The following PDE10A variants were observed in gnomAD, a reference collection of about 807,000 sequenced individuals.
PDE10A encodes phosphodiesterase 10A.
PDE10A carries 39 observed loss-of-function variants against 97.7 expected under a neutral mutation model. The ratio of observed to expected loss-of-function variants is 0.40; its 90% CI spans 0.31 to 0.52. The LOEUF (loss-of-function observed/expected upper bound fraction) is 0.52. PDE10A is among the 20% of genes least tolerant of loss of function. The probability of loss-of-function intolerance (pLI) is 0.56; values close to 1 mark genes in which losing one functional copy is unlikely to be tolerated. For synonymous variants in PDE10A, 371 were observed against 376.8 expected (o/e 0.98, Z 0.18); for missense variants, 731 against 1,047.8 (o/e 0.70, Z 4.17).
At chr6:165,912,415 T>C (rs1583275275) in intron 1 of PDE10A, among the ~76,000 whole-genome samples, 1 of 152,356 alleles carries the variant, frequency 6.6e-6, no homozygotes, top group East Asian at 1.9e-4. Context: ...CAAGTCTTGA[T>C]GGGAGCGTTC....
chr6:165,436,924 T>G (rs978333010), intron 5 of PDE10A, among the ~76,000 whole-genome samples: 1 of 152,034 alleles, frequency 6.6e-6, no homozygotes, highest in Non-Finnish European at 1.5e-5. Flanking sequence ...ACAAAAAGAA[T>G]AGATAAATGC....
intron 2 of PDE10A, among the ~76,000 whole-genome samples, chr6:165,531,625 C>T (rs1782782317): frequency 6.6e-6 from 1 of 152,094 alleles, no homozygotes; most frequent in Admixed American, 6.6e-5. Flanking sequence ...TATTAAAAAA[C>T]AGTATTTACA....
At chr6:165,929,655 C>G (rs1783061312) in intron 1 of PDE10A, among the ~76,000 whole-genome samples, 1 of 152,204 alleles carries the variant, frequency 6.6e-6, no homozygotes, top group South Asian at 2.1e-4. Flanking sequence ...TAGAAGGATC[C>G]ATTCCTACCA....
At chr6:165,443,542 G>C (rs902793942) in intron 5 of PDE10A, among the ~76,000 whole-genome samples, 13 of 152,184 alleles carry the variant, frequency 8.5e-5, no homozygotes, top group Non-Finnish European at 1.5e-4. Flanking sequence ...CCATTCTAAG[G>C]TCCGCAGGAC....
At chr6:165,396,266 C>A (rs367764280) in intron 14 of PDE10A, 51 bp downstream of exon 14, 1 of 1,552,304 alleles carries the variant, frequency 6.4e-7, no homozygotes, top group Non-Finnish European at 8.9e-7. Context: ...ACTTTAAGTT[C>A]AATTCAATTA....
chr6:165,959,661 T>C (rs1367140906), intron 1 of PDE10A, among the ~76,000 whole-genome samples: 2 of 152,186 alleles, frequency 1.3e-5, no homozygotes, highest in African/African-American at 4.8e-5. Context: ...TAGTTAAAGC[T>C]GCGGGTGAGA....
intron 2 of PDE10A, among the ~76,000 whole-genome samples, chr6:165,505,514 T>C (rs976284616): frequency 6.6e-6 from 1 of 152,198 alleles, no homozygotes; most frequent in African/African-American, 2.4e-5. Flanking sequence ...ATGATACTTT[T>C]TTAAAAAGTT....
chr6:165,713,968 G>A (rs1791965248), intron 1 of PDE10A, among the ~76,000 whole-genome samples: 1 of 152,172 alleles, frequency 6.6e-6, no homozygotes, highest in Non-Finnish European at 1.5e-5. Flanking sequence ...AATACTTTAA[G>A]CCTGCCTTAC....
At chr6:165,674,627 C>CA (rs1272892693) in intron 1 of PDE10A, among the ~76,000 whole-genome samples, 3 of 152,170 alleles carry the variant, frequency 2.0e-5, no homozygotes, top group Non-Finnish European at 4.4e-5. Flanking sequence ...TCGCCTAACT[C>CA]ACTATTCCTA....
At chr6:165,964,006 C>A (rs757958914) in intron 1 of PDE10A, among the ~76,000 whole-genome samples, 2 of 152,212 alleles carry the variant, frequency 1.3e-5, no homozygotes, top group Non-Finnish European at 2.9e-5. Flanking sequence ...GCAGGTGATA[C>A]CCATGCAATC....
At chr6:165,759,089 C>A (rs1042578464) in intron 1 of PDE10A, among the ~76,000 whole-genome samples, 1 of 152,148 alleles carries the variant, frequency 6.6e-6, no homozygotes, top group Non-Finnish European at 1.5e-5. Flanking sequence ...TGCTCCGTGC[C>A]CATAGCAGGG....
intron 5 of PDE10A, among the ~76,000 whole-genome samples, chr6:165,438,648 T>C (rs1790213894): frequency 6.6e-6 from 1 of 152,218 alleles, no homozygotes; most frequent in Non-Finnish European, 1.5e-5. Context: ...AAAATAATCA[T>C]GATTTATTTT....
At chr6:165,708,172 G>A (rs540627167) in intron 1 of PDE10A, among the ~76,000 whole-genome samples, 4 of 152,288 alleles carry the variant, frequency 2.6e-5, no homozygotes, top group Admixed American at 6.5e-5. Flanking sequence ...GGCACCTCCG[G>A]CGGCCACACT....
At chr6:165,668,769 T>TAGGA (rs149688751) in intron 1 of PDE10A, among the ~76,000 whole-genome samples, 55,863 of 128,426 alleles carry the variant, frequency 0.43, 11,681 homozygotes, top group East Asian at 0.55. Flanking sequence ...GGAAGGAAGG[T>TAGGA]AGGAAGGGAG....
chr6:165,468,329 C>A (rs1300550749), intron 3 of PDE10A, among the ~76,000 whole-genome samples: 1 of 151,688 alleles, frequency 6.6e-6, no homozygotes, highest in African/African-American at 2.4e-5. Context: ...ACCTCGTGAT[C>A]CGCCCGCCTC....
At chr6:165,451,560 C>T (rs2128250490) in intron 3 of PDE10A, among the ~76,000 whole-genome samples, 1 of 152,346 alleles carries the variant, frequency 6.6e-6, no homozygotes, top group African/African-American at 2.4e-5. Flanking sequence ...ACACCCCACT[C>T]TGTCTACCCT....
chr6:165,665,635 G>T (rs188850811), upstream of PDE10A, among the ~76,000 whole-genome samples: 1 of 151,834 alleles, frequency 6.6e-6, no homozygotes, highest in African/African-American at 2.4e-5. Context: ...CAGTGCTCTT[G>T]GTAAAATAAA....
rs578654 is a variant in PDE10A, at chr6:165,418,003, T to C, written c.1796+632A>G. 0.46 allele frequency among the ~76,000 whole-genome samples: 69,886 copies of C among 151,928 alleles called. 16,374 individuals carry two copies. The highest frequency in any genetic ancestry group is 0.48 in the Non-Finnish European group (32,357 of 67,948). The stretch of plus-strand genomic sequence containing the variant: ...TTAAGCTCGATTCTTAAACGTTTTG[T>C]CAGAGTGCTCCTTGTGTAGGTTTCC... On this transcript the variant is annotated intron_variant, in intron 11 of 21. Transcript: ENST00000539869. This position sits in a 1 kb window ranked among gnomAD's most constrained non-coding sequence, Gnocchi z 4.8.
chr6:165,799,272 G>A (rs1778915412), intron 1 of PDE10A, among the ~76,000 whole-genome samples: 1 of 152,198 alleles, frequency 6.6e-6, no homozygotes, highest in South Asian at 2.1e-4. Flanking sequence ...GAGGAAGAGG[G>A]CAGGTCTATG....
Sources: allele counts gnomAD v4.1 joint callset (sites outside exome capture counted in the v4.1 genomes callset), GRCh38; gene constraint gnomAD v4.1.1; non-coding constraint Gnocchi (gnomAD v3.1); transcripts MANE v1.5; gene names NCBI Gene and HGNC (gene_info 2026-07-23, HGNC 2026-07-21).